Variants in CCDC63 observed in about 807,000 individuals in gnomAD.
The protein encoded by CCDC63 is coiled-coil domain-containing protein 63.
Under a neutral mutation model 63.6 loss-of-function variants are expected in CCDC63, and 54 were observed. The observed-to-expected ratio is 0.85, with a 90% CI of 0.68 to 1.07. The LOEUF (loss-of-function observed/expected upper bound fraction) is 1.07. CCDC63 is among the 50% of genes least tolerant of loss of function. CCDC63 has a pLI of 0.00. For synonymous variants in CCDC63, 253 were observed against 266.1 expected (o/e 0.95, Z 0.48); for missense variants, 637 against 689.6 (o/e 0.92, Z 0.86).
At chr12:110,891,062 A>G (rs369736173) in intron 8 of CCDC63, among the ~76,000 whole-genome samples, 68 of 152,168 alleles carry the variant, frequency 4.5e-4, no homozygotes, top group African/African-American at 1.6e-3. Context: ...AACAGGCATG[A>G]GCCACCATGC....
At chr12:110,853,634 C>A (rs1255692780) in intron 3 of CCDC63, 60 bp downstream of exon 3, 1 of 1,594,752 alleles carries the variant, frequency 6.3e-7, no homozygotes, top group Non-Finnish European at 8.6e-7. Context: ...GGTTGGGCTT[C>A]ATGTTGCTTG....
At chr12:110,854,541 C>A (rs932462437) in intron 3 of CCDC63, among the ~76,000 whole-genome samples, 3 of 151,988 alleles carry the variant, frequency 2.0e-5, no homozygotes, top group Non-Finnish European at 2.9e-5. Flanking sequence ...ATGATCCACC[C>A]ACCTCGGCCT....
At chr12:110,846,708 T>C (rs2070641192), upstream of CCDC63, 1 of 152,284 alleles carries the variant, frequency 6.6e-6, no homozygotes, top group Non-Finnish European at 1.5e-5. Context: ...GGACCAGCGA[T>C]TGCATGGCGT....
At chr12:110,864,418 T>C (rs2070909163) in intron 4 of CCDC63, among the ~76,000 whole-genome samples, 1 of 136,360 alleles carries the variant, frequency 7.3e-6, no homozygotes, top group South Asian at 2.3e-4. Flanking sequence ...AGCGAGACCC[T>C]GTCTTAAAAA....
chr12:110,874,847 C>A (rs2071110601), intron 5 of CCDC63, among the ~76,000 whole-genome samples: 2 of 152,148 alleles, frequency 1.3e-5, no homozygotes, highest in Admixed American at 1.3e-4. Context: ...CAGGGAAGGG[C>A]AGCCCTATTC....
chr12:110,875,817 C>T (rs1024531181), intron 5 of CCDC63, among the ~76,000 whole-genome samples: 19 of 152,112 alleles, frequency 1.2e-4, no homozygotes, highest in Admixed American at 3.9e-4. Flanking sequence ...GCTGACCTGG[C>T]GCGGTGGCTC....
intron 4 of CCDC63, among the ~76,000 whole-genome samples, chr12:110,867,731 G>A: frequency 7.9e-6 from 1 of 125,954 alleles, no homozygotes; most frequent in African/African-American, 3.2e-5. Context: ...TCCCGGACAG[G>A]GCGGCTGGCC....
At chr12:110,871,110 C>T (rs1332431730) in intron 4 of CCDC63, among the ~76,000 whole-genome samples, 1 of 152,140 alleles carries the variant, frequency 6.6e-6, no homozygotes, top group African/African-American at 2.4e-5. Flanking sequence ...ATACACAGCC[C>T]ATTTGTGGAT....
chr12:110,881,097 T>C lies in CCDC63; in HGVS notation c.672-18T>C. On this transcript the variant is annotated intron_variant, in intron 6 of 11. Transcript: ENST00000308208. ...GGAGGAGCCTCAGATGCTCAGGCTC[T>C]GTACTCCCTTTGCCCAGGGTGGAGG... The C allele has an allele frequency of 1.3e-6, 2 of 1,598,008 alleles. No homozygotes were observed. Among genetic ancestry groups the C allele is most frequent in the Middle Eastern group, 2.2e-4 (1 of 4,448 alleles).
At chr12:110,864,437 A>AG (rs1463656970) in intron 4 of CCDC63, among the ~76,000 whole-genome samples, 4 of 145,286 alleles carry the variant, frequency 2.8e-5, no homozygotes, top group African/African-American at 1.0e-4. Flanking sequence ...AAAAAAAAAA[A>AG]AAGAGACTGG....
chr12:110,861,364 G>A (rs2070850968), intron 4 of CCDC63, among the ~76,000 whole-genome samples: 1 of 152,160 alleles, frequency 6.6e-6, no homozygotes, highest in African/African-American at 2.4e-5. Context: ...CCCCAGTGGG[G>A]CTGCATCAGC....
At chr12:110,904,921 T>G in intron 11 of CCDC63, 130 bp downstream of exon 11, 1 of 622,108 alleles carries the variant, frequency 1.6e-6, no homozygotes, top group Non-Finnish European at 2.6e-6. Context: ...TATGAGCTCT[T>G]GTGGCCTGCC....
At chr12:110,865,464 C>CAAAAAAAAAAAAA (rs10585238) in intron 4 of CCDC63, among the ~76,000 whole-genome samples, 41 of 102,160 alleles carry the variant, frequency 4.0e-4, no homozygotes, top group Non-Finnish European at 5.3e-4. Context: ...CAGCATATAC[C>CAAAAAAAAAAAAA]AAAAAAAAAA....
At chr12:110,892,031 C>A (rs780092682) in intron 8 of CCDC63, among the ~76,000 whole-genome samples, 31 of 152,192 alleles carry the variant, frequency 2.0e-4, no homozygotes, top group Non-Finnish European at 3.8e-4. Flanking sequence ...GGCAGCATCA[C>A]CTGGGAACTT....
At chr12:110,894,651 T>A (rs949229989) in intron 9 of CCDC63, among the ~76,000 whole-genome samples, 4 of 152,106 alleles carry the variant, frequency 2.6e-5, no homozygotes, top group Non-Finnish European at 5.9e-5. Context: ...AGGGTCCAGG[T>A]CCACGGAGAC....
chr12:110,859,861 T>A (rs1430510932), intron 4 of CCDC63, among the ~76,000 whole-genome samples: 1 of 152,022 alleles, frequency 6.6e-6, no homozygotes, highest in African/African-American at 2.4e-5. Flanking sequence ...AGCCCCTGCC[T>A]ACCCCTTGGC....
chr12:110,877,213 AT>A (rs35327073), intron 5 of CCDC63, among the ~76,000 whole-genome samples: 2,870 of 138,572 alleles, frequency 0.021, 21 homozygotes, highest in African/African-American at 0.033. Flanking sequence ...ATACAGTACA[AT>A]TTTTTTTTTT....
intron 1 of CCDC63, among the ~76,000 whole-genome samples, chr12:110,847,357 G>C (rs983527306): frequency 6.6e-6 from 1 of 152,032 alleles, no homozygotes; most frequent in African/African-American, 2.4e-5. Flanking sequence ...TGAGCCCAGG[G>C]GTTCGAGACC....
At chr12:110,878,801 T>C (rs963095041) in intron 5 of CCDC63, among the ~76,000 whole-genome samples, 3 of 152,244 alleles carry the variant, frequency 2.0e-5, no homozygotes, top group African/African-American at 7.2e-5. Context: ...TTTTAACTTC[T>C]TTAGAAACCT....
Sources: gnomAD v4.1 joint callset for allele counts (sites outside exome capture counted in the v4.1 genomes callset) on GRCh38, gnomAD v4.1.1 for gene constraint, MANE v1.5 for transcripts, NCBI Gene and HGNC (gene_info 2026-07-23, HGNC 2026-07-21) for gene names.